Variants in CSMD3 observed in about 807,000 individuals in gnomAD.
CSMD3 encodes CUB and sushi domain-containing protein 3.
Under a neutral mutation model 435.2 loss-of-function variants are expected in CSMD3, and 177 were observed. That is an observed-to-expected ratio of 0.41 (90% CI 0.36 to 0.46). CSMD3 has a LOEUF of 0.46. CSMD3 is among the 20% of genes least tolerant of loss of function. The probability of loss-of-function intolerance (pLI) is 0.34; values close to 1 mark genes in which losing one functional copy is unlikely to be tolerated. For missense variants in CSMD3, 4,265 were observed against 4,504.6 expected (o/e 0.95, Z 1.52); for synonymous variants, 1,656 against 1,520.5 (o/e 1.09, Z -2.07).
chr8:112,474,924 T>C (rs1818894151), intron 31 of CSMD3, among the ~76,000 whole-genome samples: 2 of 152,276 alleles, frequency 1.3e-5, no homozygotes, highest in Admixed American at 6.5e-5. Context: ...ACAGTGATTA[T>C]AATAACCAAA....
In CSMD3 at chr8:112,638,822, C is replaced by A. The variant is rs2131589536; in HGVS notation, c.3400G>T (p.Ala1134Ser). 6.2e-7 allele frequency: 1 copy of A among 1,611,836 alleles called. No individual in the cohort carries two copies. Among genetic ancestry groups the A allele is most frequent in the Non-Finnish European group, 8.5e-7 (1 of 1,178,222 alleles). Residue 1134 changes from alanine to serine, a missense_variant, in exon 21 of 71, where the codon GCA becomes TCA. Coordinates refer to ENST00000297405, the MANE Select transcript of CSMD3 (RefSeq NM_198123.2). ...GGAAGATCTGAACCAGTCAGGCGTG[C>A]CAGTGGTTGGGTAAAACTGCCATTC... The part of the protein sequence containing the change: ...TENGSFTQPL[A>S]RLTGSDLPPT...
chr8:112,841,198 C>A (rs2080169957), intron 11 of CSMD3, among the ~76,000 whole-genome samples: 1 of 151,590 alleles, frequency 6.6e-6, no homozygotes, highest in Non-Finnish European at 1.5e-5. Context: ...TTGAATAAAT[C>A]TCAAAGGGGC....
At chr8:113,042,621 ATGTG>A (rs1248664465) in intron 5 of CSMD3, among the ~76,000 whole-genome samples, 5 of 152,084 alleles carry the variant, frequency 3.3e-5, no homozygotes, top group African/African-American at 1.2e-4. Flanking sequence ...CCCTAGATTT[ATGTG>A]TCTTTTCCTT....
At chr8:112,655,181 G>C (rs1192897085) in intron 18 of CSMD3, among the ~76,000 whole-genome samples, 1 of 152,042 alleles carries the variant, frequency 6.6e-6, no homozygotes, top group Non-Finnish European at 1.5e-5. Context: ...ATCTATTGAA[G>C]ATAGATGCCC....
At chr8:113,068,561 T>C (rs2088962948) in intron 5 of CSMD3, among the ~76,000 whole-genome samples, 1 of 152,132 alleles carries the variant, frequency 6.6e-6, no homozygotes, top group African/African-American at 2.4e-5. Flanking sequence ...CATCTTTGTG[T>C]ACCTGGTTAG....
chr8:112,683,110 A>G (rs1322218538), intron 15 of CSMD3, among the ~76,000 whole-genome samples: 1 of 151,968 alleles, frequency 6.6e-6, no homozygotes, highest in African/African-American at 2.4e-5. Context: ...GTCTCAATCT[A>G]GTATGAAACT....
chr8:112,888,055 C>A (rs1033651582), intron 10 of CSMD3, among the ~76,000 whole-genome samples: 1 of 151,592 alleles, frequency 6.6e-6, no homozygotes, highest in Admixed American at 6.6e-5. Flanking sequence ...AAATATAAAT[C>A]TTGGGAGAAA....
chr8:112,363,638 A>G lies in CSMD3; in HGVS notation c.6137-11104T>C, dbSNP rs147456601. Reference sequence around the variant, plus strand: ...AACACAATGTTTACAAAATTCAGAAACCTAGATTAGGCTAAAACTATCTCT... The same window carrying G: ...AACACAATGTTTACAAAATTCAGAAGCCTAGATTAGGCTAAAACTATCTCT... On this transcript the variant is annotated intron_variant, in intron 38 of 70. Coordinates refer to ENST00000297405, the MANE Select transcript of CSMD3 (RefSeq NM_198123.2). Among the ~76,000 whole-genome samples the G allele has an allele frequency of 3.2e-3, 493 of 152,080 alleles. 2 individuals are homozygous for G. Among genetic ancestry groups the G allele is most frequent in the African/African-American group, 0.011 (477 of 41,550 alleles).
intron 18 of CSMD3, among the ~76,000 whole-genome samples, chr8:112,650,881 T>C (rs2075110034): frequency 7.5e-6 from 1 of 133,200 alleles, no homozygotes; most frequent in Non-Finnish European, 1.6e-5. Flanking sequence ...ATATCTTCCT[T>C]GCAATTTACA....
chr8:112,550,833 T>C lies in CSMD3; in HGVS notation c.4402A>G (p.Ile1468Val), dbSNP rs1242308548. ...GGTGGACCGTCCCAGACTCGGAGTA[T>C]ATCATGTGATGCTTCCGTATCAAAA... ...LAFDTEASHD[I>V]LRVWDGPPEN... The change falls in exon 27 of 71, where the codon ATA becomes GTA. Residue 1468 changes from isoleucine to valine, a missense_variant. Ile to Val is a conservative substitution (Grantham distance 29). This residue lies in a region of CSMD3 where 3,255 missense variants were observed against 3,380.2 expected (regional missense o/e 0.96). Coordinates refer to ENST00000297405, the MANE Select transcript of CSMD3 (RefSeq NM_198123.2). 1 of 1,612,436 alleles carries C rather than the reference T, an allele frequency of 6.2e-7. No individual in the cohort carries two copies.
At chr8:112,602,087 T>C (rs1455891710) in intron 22 of CSMD3, among the ~76,000 whole-genome samples, 1 of 152,136 alleles carries the variant, frequency 6.6e-6, no homozygotes, top group Non-Finnish European at 1.5e-5. Context: ...TTTAATGAAA[T>C]GATAAGGAAG....
At chr8:112,405,211 CCCCATATATAT>C (rs1563904162) in intron 35 of CSMD3, among the ~76,000 whole-genome samples, 7 of 18,112 alleles carry the variant, frequency 3.9e-4, no homozygotes, top group African/African-American at 6.6e-4. Context: ...AAAAAAAAAC[CCCCATATATAT>C]ATATATATAT....
intron 68 of CSMD3, among the ~76,000 whole-genome samples, chr8:112,233,212 C>T (rs1402211380): frequency 6.6e-6 from 1 of 152,096 alleles, no homozygotes; most frequent in African/African-American, 2.4e-5. Context: ...CAATTAGTTA[C>T]CTAAGTCATG....
At chr8:113,219,044 C>T (rs2092937885) in intron 3 of CSMD3, among the ~76,000 whole-genome samples, 1 of 151,228 alleles carries the variant, frequency 6.6e-6, no homozygotes, top group African/African-American at 2.4e-5. Flanking sequence ...TTTAAAAACT[C>T]TTGGAAAAAC....
At chr8:113,068,707 C>T (rs553614196) in intron 5 of CSMD3, among the ~76,000 whole-genome samples, 1 of 152,202 alleles carries the variant, frequency 6.6e-6, no homozygotes, top group East Asian at 1.9e-4. Context: ...GCAACCTGGT[C>T]TTTCTCAATT....
At chr8:112,687,098 G>T (rs2076029810) in intron 14 of CSMD3, among the ~76,000 whole-genome samples, 2 of 151,934 alleles carry the variant, frequency 1.3e-5, no homozygotes, top group South Asian at 4.2e-4. Context: ...TATGACAAAG[G>T]ATATGAATTT....
chr8:112,702,624 T>C (rs529399408), intron 13 of CSMD3, among the ~76,000 whole-genome samples: 34 of 152,084 alleles, frequency 2.2e-4, no homozygotes, highest in Non-Finnish European at 4.6e-4. Flanking sequence ...CATGGTCCCA[T>C]GATAGCCAGG....
intron 32 of CSMD3, among the ~76,000 whole-genome samples, chr8:112,444,835 C>G (rs1302539263): frequency 6.6e-6 from 1 of 152,148 alleles, no homozygotes; most frequent in South Asian, 2.1e-4. Flanking sequence ...CTGAGCTGTA[C>G]ACTTAAGATC....
chr8:112,766,871 T>C (rs2077993143), intron 13 of CSMD3, among the ~76,000 whole-genome samples: 1 of 151,810 alleles, frequency 6.6e-6, no homozygotes, highest in Non-Finnish European at 1.5e-5. Flanking sequence ...GGGGTTTAAA[T>C]CCCTGCTCAA....
Sources: gnomAD v4.1 joint callset for allele counts (sites outside exome capture counted in the v4.1 genomes callset) on GRCh38, gnomAD v4.1.1 for gene constraint, gnomAD v4.1.1 regional missense constraint, MANE v1.5 for transcripts, NCBI Gene and HGNC (gene_info 2026-07-23, HGNC 2026-07-21) for gene names.